The following ADGRV1 variants were observed in gnomAD, a reference collection of about 807,000 sequenced individuals.
ADGRV1 encodes the protein G-protein coupled receptor 98.
In ADGRV1, 359 loss-of-function variants were observed where a neutral mutation model predicts 596.2. The ratio of observed to expected loss-of-function variants is 0.60; its 90% confidence interval spans 0.55 to 0.66. The LOEUF (loss-of-function observed/expected upper bound fraction) is 0.66, where lower values mean the gene tolerates loss of function less well. Among genes scored for constraint, ADGRV1 ranks in the 30% least tolerant of loss-of-function variants. ADGRV1 has a pLI of 0.00. For synonymous variants in ADGRV1, 2,681 were observed against 2,679.2 expected, an observed-to-expected ratio of 1.00 and a Z score of -0.02; for missense variants, 7,274 against 7,575.6, an observed-to-expected ratio of 0.96 and a Z score of 1.48.
intron 86 of ADGRV1, among the ~76,000 whole-genome samples, chr5:91,086,419 C>T (rs562032737): frequency 2.0e-5 from 3 of 152,036 alleles, no homozygotes; most frequent in Non-Finnish European, 4.4e-5. Context: ...TTTCTTCTTC[C>T]TCTTGATACT....
intron 1 of ADGRV1, among the ~76,000 whole-genome samples, chr5:90,583,472 G>A (rs960636110): frequency 6.6e-6 from 1 of 152,002 alleles, no homozygotes; most frequent in African/African-American, 2.4e-5. Flanking sequence ...ACATCTTTAT[G>A]ATTTCATGGC....
Position 90,614,983 on chromosome 5 carries a change from G to C in ADGRV1, c.171G>C (p.Arg57Ser). Residue 57 changes from arginine to serine, a missense_variant, in exon 2 of 90, where the codon AGG becomes AGC. Coordinates refer to ENST00000405460, the MANE Select transcript of ADGRV1 (RefSeq NM_032119.4). ...CAGTTATTCGTCTTATCATTGAAAG[G>C]ATAGGAGAGCCAGCAAATGTTACTG... is the stretch of plus-strand genomic sequence containing the variant. ...STTVIRLIIE[R>S]IGEPANVTAI... The C allele has an allele frequency of 6.6e-7, 1 of 1,516,932 alleles. No homozygotes were observed. Among genetic ancestry groups the C allele is most frequent in the Non-Finnish European group, 8.9e-7 (1 of 1,127,358 alleles). The allele number at this position is 1,516,932 out of a possible 1,614,324, so 94.0% of individuals were successfully genotyped here.
At chr5:90,644,518 A>G (rs916553834) in intron 14 of ADGRV1, among the ~76,000 whole-genome samples, 188 bp from the exon 15 acceptor site, 1 of 152,214 alleles carries the variant, frequency 6.6e-6, no homozygotes, top group Non-Finnish European at 1.5e-5. Context: ...TATTTATTAT[A>G]TACCTACAGA....
chr5:90,887,052 A>G (rs1770368942), intron 83 of ADGRV1, among the ~76,000 whole-genome samples: 1 of 152,178 alleles, frequency 6.6e-6, no homozygotes, highest in African/African-American at 2.4e-5. Context: ...TAAAGATGTC[A>G]TGCGTGTCCT....
chr5:91,112,710 A>G (rs917620473), intron 87 of ADGRV1, among the ~76,000 whole-genome samples: 7 of 152,150 alleles, frequency 4.6e-5, no homozygotes, highest in African/African-American at 1.7e-4. Flanking sequence ...CTTTATATGA[A>G]TATTTTACAC....
chr5:90,779,977 C>T (rs1356544425), intron 64 of ADGRV1: 1 of 152,112 alleles, frequency 6.6e-6, no homozygotes, highest in African/African-American at 2.4e-5. Flanking sequence ...GCTCACATAC[C>T]CTTCAAATTT....
intron 83 of ADGRV1, among the ~76,000 whole-genome samples, chr5:90,928,938 C>A (rs1204366241): frequency 2.0e-5 from 3 of 146,476 alleles, no homozygotes; most frequent in Non-Finnish European, 4.5e-5. Context: ...CCCAGTTAGG[C>A]TGCTCGGGGG....
intron 83 of ADGRV1, among the ~76,000 whole-genome samples, chr5:90,907,422 C>A (rs1328741427): frequency 6.6e-6 from 1 of 152,096 alleles, no homozygotes; most frequent in Non-Finnish European, 1.5e-5. Context: ...CTCTTCAGTG[C>A]CTCGAAAACA....
intron 75 of ADGRV1, among the ~76,000 whole-genome samples, chr5:90,820,404 T>A (rs1372538511): frequency 1.3e-5 from 2 of 150,724 alleles, no homozygotes; most frequent in Admixed American, 1.3e-4. Context: ...TTGGAGCATT[T>A]AGTCCATTTA....
chr5:91,054,509 A>G (rs531566993), intron 85 of ADGRV1, among the ~76,000 whole-genome samples: 1 of 152,298 alleles, frequency 6.6e-6, no homozygotes, highest in East Asian at 1.9e-4. Flanking sequence ...AAAATACCAT[A>G]GACCAGGTAG....
chr5:90,677,923 A>T (rs1219251644), intron 25 of ADGRV1, among the ~76,000 whole-genome samples: 2 of 152,320 alleles, frequency 1.3e-5, no homozygotes, highest in East Asian at 3.9e-4. Context: ...AGAGTCAAGG[A>T]CTTATTTCAT....
At chr5:90,744,490 A>G (rs1327283157) in intron 50 of ADGRV1, among the ~76,000 whole-genome samples, 1 of 152,152 alleles carries the variant, frequency 6.6e-6, no homozygotes, top group Non-Finnish European at 1.5e-5. Flanking sequence ...AAATGTAGGG[A>G]AATTATTAAA....
intron 70 of ADGRV1, among the ~76,000 whole-genome samples, chr5:90,801,018 A>G (rs1761311637): frequency 6.6e-6 from 1 of 152,128 alleles, no homozygotes; most frequent in Admixed American, 6.5e-5. Context: ...ATGTATACCT[A>G]TGTAACAAAA....
intron 85 of ADGRV1, among the ~76,000 whole-genome samples, chr5:91,059,428 C>T (rs1183368058): frequency 6.6e-6 from 1 of 152,124 alleles, no homozygotes; most frequent in Non-Finnish European, 1.5e-5. Context: ...GGCTTCTCCT[C>T]ACTCTGTCCT....
intron 80 of ADGRV1, among the ~76,000 whole-genome samples, chr5:90,853,770 A>G (rs1766761050): frequency 6.6e-6 from 1 of 152,212 alleles, no homozygotes; most frequent in Non-Finnish European, 1.5e-5. Context: ...AAAGTAAAAA[A>G]TATATAGCTT....
At chr5:90,908,422 T>G (rs1274006460) in intron 83 of ADGRV1, among the ~76,000 whole-genome samples, 2 of 152,210 alleles carry the variant, frequency 1.3e-5, no homozygotes, top group Admixed American at 1.3e-4. Context: ...TTTTTTATGA[T>G]AGCCTGTTAT....
At position 90,712,361 on chromosome 5, in the gene ADGRV1, A is replaced by C; in HGVS notation, c.9117A>C (p.Gly3039=). The C allele has an allele frequency of 6.3e-7, 1 of 1,576,000 alleles. No individual in the cohort carries two copies. The highest frequency in any genetic ancestry group is 8.7e-7 in the Non-Finnish European group (1 of 1,155,840). ...IMILDDDIPE[G]DEKFQLILTN... is the part of the protein sequence containing the mutation. ...TTCTTGATGATGACATTCCAGAAGG[A>C]GATGAAAAATTTCAGCTGATTTTAA... The change falls in exon 42 of 90, where the codon GGA becomes GGC. Residue 3039 remains glycine (G), a synonymous_variant. Transcript: ENST00000405460.
intron 42 of ADGRV1, among the ~76,000 whole-genome samples, chr5:90,714,028 T>C (rs76531401): frequency 1.1e-3 from 168 of 152,328 alleles, no homozygotes; most frequent in African/African-American, 3.9e-3. Flanking sequence ...TCTATATATG[T>C]GGATAATTAA....
chr5:90,994,972 C>G (rs1165972456), intron 85 of ADGRV1, among the ~76,000 whole-genome samples: 1 of 152,174 alleles, frequency 6.6e-6, no homozygotes, highest in South Asian at 2.1e-4. Flanking sequence ...ATTATATATA[C>G]CCTCAAAGTC....
Sources: gnomAD v4.1 joint callset for allele counts (sites outside exome capture counted in the v4.1 genomes callset) on GRCh38, gnomAD v4.1.1 for gene constraint, MANE v1.5 for transcripts, NCBI Gene and HGNC (gene_info 2026-07-23, HGNC 2026-07-21) for gene names.